The following ECE1 variants were observed in gnomAD, a reference collection of about 807,000 sequenced individuals.
The protein encoded by ECE1 is endothelin-converting enzyme 1.
ECE1 carries 35 observed loss-of-function variants against 98.6 expected under a neutral mutation model. That is an observed-to-expected ratio of 0.35 (90% confidence interval 0.27 to 0.47). The LOEUF is 0.47. Ranked by LOEUF, ECE1 falls within the 20% of genes least tolerant of loss-of-function variation. The pLI is 1.00. For missense variants in ECE1, 814 were observed against 1,025.3 expected, an observed-to-expected ratio of 0.79 and a Z score of 2.81; for synonymous variants, 394 against 407.1, an observed-to-expected ratio of 0.97 and a Z score of 0.39.
At chr1:21,278,687 G>A (rs2098250526) in intron 3 of ECE1, among the ~76,000 whole-genome samples, 3 of 152,158 alleles carry the variant, frequency 2.0e-5, no homozygotes, top group Non-Finnish European at 2.9e-5. Context: ...TTGGGTATTT[G>A]GTCCGAGGAA....
intron 8 of ECE1, among the ~76,000 whole-genome samples, chr1:21,249,523 C>A (rs1011177018): frequency 7.6e-6 from 1 of 132,274 alleles, no homozygotes; most frequent in East Asian, 2.1e-4. Context: ...TGGTGACACC[C>A]CATCTTTACA....
At chr1:21,248,852 T>C (rs2098207956) in intron 8 of ECE1, among the ~76,000 whole-genome samples, 1 of 151,274 alleles carries the variant, frequency 6.6e-6, no homozygotes, top group African/African-American at 2.4e-5. Context: ...CTCGAACTCC[T>C]GACCTCATGA....
At chr1:21,274,004 C>A (rs776318095) in intron 3 of ECE1, among the ~76,000 whole-genome samples, 5 of 152,214 alleles carry the variant, frequency 3.3e-5, no homozygotes, top group Non-Finnish European at 7.3e-5. Context: ...AATCACAGGC[C>A]CAGCCCCATC....
chr1:21,299,187 T>G (rs558320211), intron 1 of ECE1: 2 of 250,816 alleles, frequency 8.0e-6, no homozygotes, highest in South Asian at 9.0e-5. Context: ...ATGGAGTCAG[T>G]TGTAATTAGT....
At chr1:21,281,063 G>A (rs565956691) in intron 2 of ECE1, among the ~76,000 whole-genome samples, 18 of 152,268 alleles carry the variant, frequency 1.2e-4, no homozygotes, top group South Asian at 2.1e-4. Flanking sequence ...GGTGACAGGC[G>A]CCTGTAATCC....
At chr1:21,286,924 G>GA (rs1352294824) in intron 2 of ECE1, among the ~76,000 whole-genome samples, 7,267 of 122,588 alleles carry the variant, frequency 0.059, 595 homozygotes, top group African/African-American at 0.19. Context: ...TCAAAAAAAA[G>GA]AAAAAAAAAA....
In ECE1 at chr1:21,307,224, C is replaced by T. The variant is rs1638618199; in HGVS notation, c.4-17068G>A. 6.6e-6 allele frequency among the ~76,000 whole-genome samples: 1 copy of T among 152,232 alleles called. No homozygotes were observed. The highest frequency in any genetic ancestry group is 2.4e-5 in the African/African-American group (1 of 41,466). ...CTGGCTTTAACATTTCCAAAGCGGG[C>T]TCGTTCCCTTTAATTCACTTTTGCT... On this transcript the variant is annotated intron_variant, in intron 1 of 18. Transcript: ENST00000415912. This position sits in a 1 kb window ranked among gnomAD's most constrained non-coding sequence, Gnocchi z 4.2.
chr1:21,253,185 T>C (rs1231063567), intron 8 of ECE1, among the ~76,000 whole-genome samples: 1 of 151,798 alleles, frequency 6.6e-6, no homozygotes, highest in Admixed American at 6.6e-5. Context: ...GCCTACCGAG[T>C]AGCTGGGACA....
At chr1:21,262,171 C>A (rs993848291) in intron 4 of ECE1, among the ~76,000 whole-genome samples, 5 of 152,148 alleles carry the variant, frequency 3.3e-5, no homozygotes, top group Non-Finnish European at 7.3e-5. Flanking sequence ...AAGGAAGACA[C>A]AGAGACAAGA....
intron 16 of ECE1, 114 bp downstream of exon 16, chr1:21,227,045 T>C (rs2103216373): frequency 9.8e-7 from 1 of 1,018,842 alleles, no homozygotes; most frequent in Non-Finnish European, 1.5e-6. Context: ...TTAGTAGAGA[T>C]GGAGGTCTTG....
intron 1 of ECE1, among the ~76,000 whole-genome samples, chr1:21,343,869 G>C (rs1639447759): frequency 6.6e-6 from 1 of 152,176 alleles, no homozygotes; most frequent in African/African-American, 2.4e-5. Flanking sequence ...CTCAGGGTGG[G>C]CTTAGAGGCA....
At position 21,233,447 on chromosome 1, in the gene ECE1, C is replaced by T. The variant is rs182882667; in HGVS notation, c.1670+111G>A. On this transcript the variant is annotated intron_variant, in intron 14 of 18. Coordinates refer to ENST00000374893, the MANE Select transcript of ECE1 (RefSeq NM_001397.3). This position sits in a 1 kb window ranked among gnomAD's most constrained non-coding sequence, Gnocchi z 4.0. ...GGGCATCCACTCTTCAGACGGCTCT[C>T]GTGATAGCTGATCGGGTGCACAGTG... The T allele has an allele frequency of 6.1e-4, 580 of 952,438 alleles. 4 individuals are homozygous for T. In the East Asian group the frequency reaches 8.0e-3, roughly 13 times the overall value. The allele number at this position is 952,438 out of a possible 1,614,324, so 59.0% of individuals were successfully genotyped here. A position where few individuals can be genotyped will look rare whatever the true frequency, so the allele number is the denominator to read the frequency against.
At chr1:21,333,888 G>A (rs1359826694) in intron 1 of ECE1, among the ~76,000 whole-genome samples, 5 of 151,726 alleles carry the variant, frequency 3.3e-5, no homozygotes, top group Non-Finnish European at 7.4e-5. Context: ...ACCTCCCAAG[G>A]GCCAACTCCG....
chr1:21,335,373 C>T lies in ECE1; in HGVS notation c.3+10003G>A, dbSNP rs543729471. 1.3e-5 allele frequency among the ~76,000 whole-genome samples: 2 copies of T among 152,310 alleles called. 1 individual carries two copies. The highest frequency in any genetic ancestry group is 4.1e-4 in the South Asian group (2 of 4,824). On this transcript the variant is annotated intron_variant, in intron 1 of 18. Coordinates refer to the ECE1 transcript ENST00000415912. ...GCCTGTTTGGTCTCCAGCTTCCTCC[C>T]CTAGAGTGCAGCTCCTTAGGGGCAG...
At chr1:21,221,669 C>CG in intron 18 of ECE1, 78 bp downstream of exon 18, 2 of 1,471,772 alleles carry the variant, frequency 1.4e-6, no homozygotes, top group Non-Finnish European at 1.9e-6. Flanking sequence ...GGGGAACTTG[C>CG]CTTTCGGCTC....
At chr1:21,241,479 G>A (rs1027412691) in intron 10 of ECE1, among the ~76,000 whole-genome samples, 5 of 147,154 alleles carry the variant, frequency 3.4e-5, no homozygotes, top group Non-Finnish European at 6.0e-5. Context: ...TTGGAGTGCA[G>A]TGGTGTGATA....
chr1:21,297,868 C>T lies in ECE1; in HGVS notation c.4-7712G>A, dbSNP rs578045811. On this transcript the variant is annotated intron_variant, in intron 1 of 18. Coordinates refer to the ECE1 transcript ENST00000415912. ...TTTTTTTTTTTAAGAGACTAGGTCTCGCTCTGTCACCCAGGCTGGAGTGCA... is the reference window on the plus strand; with the variant it reads ...TTTTTTTTTTTAAGAGACTAGGTCTTGCTCTGTCACCCAGGCTGGAGTGCA... Among the ~76,000 whole-genome samples the T allele has an allele frequency of 2.6e-5, 4 of 151,294 alleles. No homozygotes were observed. In the East Asian group the frequency reaches 5.8e-4, roughly 22 times the overall value.
Position 21,225,363 on chromosome 1 carries a change from C to T in ECE1, c.1927G>A (p.Glu643Lys), listed in dbSNP as rs778746689. Residue 643 changes from glutamate (E) to lysine (K), a missense_variant, in exon 17 of 19, where the codon GAG (glutamate) becomes AAG (lysine). This residue lies in a region of ECE1 where 452 missense variants were observed against 567.3 expected (regional missense o/e 0.80). Transcript: ENST00000374893. The surrounding 1 kb of genome is among the most constrained non-coding windows in gnomAD (Gnocchi z 5.3). ...SSVEAFKRQT[E>K]CMVEQYSNYS... ...TTGCTGTACTGCTCTACCATGCACTCGGTCTGACGCTTGAAGGCCTCCACG... is the reference window on the plus strand; with the variant it reads ...TTGCTGTACTGCTCTACCATGCACTTGGTCTGACGCTTGAAGGCCTCCACG... 5.1e-5 allele frequency: 82 copies of T among 1,614,098 alleles called. No individual in the cohort carries two copies. The highest frequency in any genetic ancestry group is 6.4e-5 in the Non-Finnish European group (76 of 1,180,048).
intron 1 of ECE1, among the ~76,000 whole-genome samples, chr1:21,313,767 A>G (rs979674542): frequency 2.0e-5 from 3 of 152,166 alleles, no homozygotes; most frequent in Admixed American, 6.5e-5. Flanking sequence ...ATGTGAACCT[A>G]CTTCACTGGG....
Sources: allele counts gnomAD v4.1 joint callset (sites outside exome capture counted in the v4.1 genomes callset), GRCh38; gene constraint gnomAD v4.1.1; regional missense constraint gnomAD v4.1.1; non-coding constraint Gnocchi (gnomAD v3.1); transcripts MANE v1.5; gene names NCBI Gene and HGNC (gene_info 2026-07-23, HGNC 2026-07-21).